HS6ST3: variants seen among roughly 807,000 people sequenced by gnomAD.
The protein encoded by HS6ST3 is heparan-sulfate 6-O-sulfotransferase 3.
Under a neutral mutation model 36.7 loss-of-function variants are expected in HS6ST3, and 12 were observed. The ratio of observed to expected loss-of-function variants is 0.33; its 90% CI spans 0.21 to 0.53. The LOEUF is 0.53. HS6ST3 is among the 20% of genes least tolerant of loss of function. HS6ST3 has a pLI of 0.95. For missense variants in HS6ST3, 584 were observed against 640.9 expected, an observed-to-expected ratio of 0.91 and a Z score of 0.96; for synonymous variants, 240 against 257.5, an observed-to-expected ratio of 0.93 and a Z score of 0.65.
intron 1 of HS6ST3, among the ~76,000 whole-genome samples, chr13:96,180,762 TA>T (rs11311782): frequency 0.91 from 138,167 of 152,196 alleles, 62,864 homozygotes; most frequent in Non-Finnish European, 0.94. Context: ...GTCTGAGGCT[TA>T]AAGCCATTAA....
intron 1 of HS6ST3, among the ~76,000 whole-genome samples, chr13:96,549,896 A>C (rs1437225582): frequency 3.3e-5 from 5 of 152,036 alleles, no homozygotes; most frequent in Admixed American, 1.3e-4. Flanking sequence ...CTCTGACTTC[A>C]GCAGGCCAAC....
At chr13:96,519,229 G>A (rs2056084084) in intron 1 of HS6ST3, among the ~76,000 whole-genome samples, 1 of 152,150 alleles carries the variant, frequency 6.6e-6, no homozygotes, top group Non-Finnish European at 1.5e-5. Context: ...CTTTGTTAAT[G>A]ACTGGTGGTC....
At chr13:96,484,634 G>T (rs559751447) in intron 1 of HS6ST3, among the ~76,000 whole-genome samples, 1 of 152,104 alleles carries the variant, frequency 6.6e-6, no homozygotes, top group Non-Finnish European at 1.5e-5. Context: ...TTCACTTAGC[G>T]TAATGTCCTC....
intron 1 of HS6ST3, among the ~76,000 whole-genome samples, chr13:96,597,114 C>T (rs191026280): frequency 5.5e-4 from 84 of 152,166 alleles, no homozygotes; most frequent in Non-Finnish European, 1.0e-3. Context: ...CACATGTTCT[C>T]ACTTTTAAAT....
intron 1 of HS6ST3, among the ~76,000 whole-genome samples, chr13:96,791,741 G>A (rs1034995115): frequency 6.6e-6 from 1 of 151,970 alleles, no homozygotes; most frequent in Non-Finnish European, 1.5e-5. Flanking sequence ...ATTTCAGTTT[G>A]TGCTGTCCCA....
intron 1 of HS6ST3, among the ~76,000 whole-genome samples, chr13:96,781,116 T>C (rs1877515054): frequency 6.6e-6 from 1 of 152,092 alleles, no homozygotes; most frequent in Admixed American, 6.6e-5. Context: ...TCTCTCCAAT[T>C]CCCCCATTTT....
chr13:96,196,440 GA>G (rs1300068736), intron 1 of HS6ST3, among the ~76,000 whole-genome samples: 1 of 152,110 alleles, frequency 6.6e-6, no homozygotes, highest in Non-Finnish European at 1.5e-5. Context: ...GACAGGAGGG[GA>G]AAGGTACTGT....
intron 1 of HS6ST3, among the ~76,000 whole-genome samples, chr13:96,451,605 G>A (rs1020480654): frequency 2.0e-5 from 3 of 152,144 alleles, no homozygotes; most frequent in Admixed American, 6.6e-5. Context: ...ATTATGAAAA[G>A]CCATCTTGTG....
intron 1 of HS6ST3, among the ~76,000 whole-genome samples, chr13:96,734,269 A>C (rs572381309): frequency 6.6e-6 from 1 of 152,334 alleles, no homozygotes; most frequent in African/African-American, 2.4e-5. Context: ...CCATTGCTAC[A>C]AGGAATAAAG....
intron 1 of HS6ST3, among the ~76,000 whole-genome samples, chr13:96,589,823 T>A (rs1341316019): frequency 6.6e-6 from 1 of 152,090 alleles, no homozygotes; most frequent in Non-Finnish European, 1.5e-5. Context: ...CTATCCCCAC[T>A]TTCCCTCCCA....
In HS6ST3 at chr13:96,469,223, C is replaced by T. The variant is rs192204187; in HGVS notation, c.708-363267C>T. ...TTCTTTGAAAATGGTCTTGCCGGTG[C>T]ACCTTAAATACATTTTAGAATTATC... is the stretch of plus-strand genomic sequence containing the variant. On this transcript the variant is annotated intron_variant, in intron 1 of 1. Transcript: ENST00000376705. Among the ~76,000 whole-genome samples, 81 of 152,140 alleles carry T rather than the reference C, an allele frequency of 5.3e-4. 1 individual carries two copies. Among genetic ancestry groups the T allele is most frequent in the Non-Finnish European group, 2.1e-4 (14 of 67,996 alleles).
intron 1 of HS6ST3, among the ~76,000 whole-genome samples, chr13:96,653,530 G>A (rs942477515): frequency 5.9e-5 from 9 of 152,120 alleles, no homozygotes; most frequent in Non-Finnish European, 1.3e-4. Flanking sequence ...CCCTGCAAAG[G>A]ACATGAACTC....
chr13:96,497,655 T>C (rs1483772757), intron 1 of HS6ST3, among the ~76,000 whole-genome samples: 1 of 152,178 alleles, frequency 6.6e-6, no homozygotes. Flanking sequence ...GTATCAGTCA[T>C]GTTCTGCTTC....
At chr13:96,222,874 T>A (rs919519692) in intron 1 of HS6ST3, among the ~76,000 whole-genome samples, 1 of 152,060 alleles carries the variant, frequency 6.6e-6, no homozygotes, top group African/African-American at 2.4e-5. Flanking sequence ...TTGTAAGGAG[T>A]AGGGATGACT....
chr13:96,388,900 CTG>C lies in HS6ST3; in HGVS notation c.707+297334_707+297335del, dbSNP rs566092456. On this transcript the variant is annotated intron_variant, in intron 1 of 1. Transcript: ENST00000376705. Reference sequence around the variant, plus strand: ...CTGAGGCCTCCCCAGTCCTGCAGAACTGTGAGTCAATTAAACCTCTTTCCTTT... The same window carrying C: ...CTGAGGCCTCCCCAGTCCTGCAGAACTGAGTCAATTAAACCTCTTTCCTTT... Among the ~76,000 whole-genome samples, 31 of 152,332 alleles carry C rather than the reference CTG, an allele frequency of 2.0e-4. No homozygotes were observed. The South Asian group carries it at 3.9e-3, about 19-fold the overall frequency.
At chr13:96,131,768 C>CATTT (rs1345085492) in intron 1 of HS6ST3, among the ~76,000 whole-genome samples, 1 of 147,500 alleles carries the variant, frequency 6.8e-6, no homozygotes, top group Non-Finnish European at 1.5e-5. Flanking sequence ...AATCACATAT[C>CATTT]ATTTATTACC....
chr13:96,260,262 CCTTCCTTT>C (rs1332822107), intron 1 of HS6ST3, among the ~76,000 whole-genome samples: 7 of 141,686 alleles, frequency 4.9e-5, no homozygotes, highest in African/African-American at 1.6e-4. Flanking sequence ...TTCCTTCCTT[CCTTCCTTT>C]CTTCTTTCCT....
At chr13:96,631,091 A>T (rs2056530676) in intron 1 of HS6ST3, among the ~76,000 whole-genome samples, 1 of 152,174 alleles carries the variant, frequency 6.6e-6, no homozygotes, top group Non-Finnish European at 1.5e-5. Flanking sequence ...CTAATTTCTT[A>T]TGAGGAAATA....
At chr13:96,734,046 T>C (rs1278289063) in intron 1 of HS6ST3, among the ~76,000 whole-genome samples, 1 of 152,220 alleles carries the variant, frequency 6.6e-6, no homozygotes, top group Non-Finnish European at 1.5e-5. Context: ...CCTGGCCATT[T>C]CATTGCTTAT....
Sources: gnomAD v4.1 joint callset for allele counts (sites outside exome capture counted in the v4.1 genomes callset) on GRCh38, gnomAD v4.1.1 for gene constraint, MANE v1.5 for transcripts, NCBI Gene and HGNC (gene_info 2026-07-23, HGNC 2026-07-21) for gene names.